The following STXBP4 variants were observed in gnomAD, a reference collection of about 807,000 sequenced individuals.
STXBP4 encodes the protein syntaxin-binding protein 4.
A neutral mutation model predicts 76.1 loss-of-function variants in STXBP4; 55 were observed. The observed-to-expected ratio is 0.72, with a 90% CI of 0.58 to 0.91. STXBP4 has a LOEUF of 0.91. Among genes scored for constraint, STXBP4 ranks in the 40% least tolerant of loss-of-function variants. STXBP4 has a pLI of 0.00. For synonymous variants in STXBP4, 201 were observed against 220.2 expected (o/e 0.91, Z 0.77); for missense variants, 618 against 636.9 (o/e 0.97, Z 0.32).
intron 17 of STXBP4, among the ~76,000 whole-genome samples, chr17:55,148,670 C>G (rs2080183158): frequency 6.6e-6 from 1 of 152,120 alleles, no homozygotes; most frequent in Non-Finnish European, 1.5e-5. Flanking sequence ...TCCCGAGTAG[C>G]TGGGATTACA....
At chr17:55,036,423 A>G (rs1221851464) in intron 10 of STXBP4, among the ~76,000 whole-genome samples, 1 of 151,466 alleles carries the variant, frequency 6.6e-6, no homozygotes, top group Non-Finnish European at 1.5e-5. Context: ...TTTTGTTGCC[A>G]TTAAAATTAA....
intron 8 of STXBP4, among the ~76,000 whole-genome samples, chr17:55,013,392 T>G (rs936628063): frequency 1.3e-5 from 2 of 152,242 alleles, no homozygotes; most frequent in Admixed American, 6.5e-5. Context: ...TTTCTGAGTT[T>G]CCTTAATTAC....
chr17:55,140,837 T>C (rs2080086781), intron 16 of STXBP4, among the ~76,000 whole-genome samples: 1 of 152,148 alleles, frequency 6.6e-6, no homozygotes, highest in South Asian at 2.1e-4. Context: ...ATAAGGAATT[T>C]TGTCTTGTCC....
In STXBP4 at chr17:55,069,766, T is replaced by C. The variant is rs551678220; in HGVS notation, c.1012-3134T>C. 6.6e-5 allele frequency among the ~76,000 whole-genome samples: 10 copies of C among 152,316 alleles called. No individual in the cohort carries two copies. In the South Asian group the frequency reaches 2.1e-3, roughly 32 times the overall value. On this transcript the variant is annotated intron_variant, in intron 12 of 17. Coordinates refer to ENST00000376352, the MANE Select transcript of STXBP4 (RefSeq NM_178509.6). ...TACCATCAGTGCACAATAATGGCTATATAAATTCCATCCAGAGTCTTCATT... is the reference window on the plus strand; with the variant it reads ...TACCATCAGTGCACAATAATGGCTACATAAATTCCATCCAGAGTCTTCATT...
chr17:55,085,520 G>A (rs983946908), intron 16 of STXBP4, among the ~76,000 whole-genome samples: 1 of 151,834 alleles, frequency 6.6e-6, no homozygotes, highest in Non-Finnish European at 1.5e-5. Context: ...CACCCTACCT[G>A]CTAGTTGTCT....
chr17:55,102,369 A>G (rs997880198), intron 16 of STXBP4, among the ~76,000 whole-genome samples: 5 of 152,176 alleles, frequency 3.3e-5, no homozygotes, highest in African/African-American at 9.7e-5. Flanking sequence ...AAGTGAGAAC[A>G]TGCAGTGTTT....
chr17:55,072,031 A>G (rs1176818321), intron 12 of STXBP4, among the ~76,000 whole-genome samples: 1 of 152,142 alleles, frequency 6.6e-6, no homozygotes, highest in African/African-American at 2.4e-5. Context: ...TGATAGAGCA[A>G]GTGGTTTTGG....
At chr17:55,191,971 A>G in the STXBP4 span, among the ~76,000 whole-genome samples, 1 of 152,202 alleles carries the variant, frequency 6.6e-6, no homozygotes. Context: ...CACCCAACTC[A>G]GGAAAGTGCT....
chr17:55,031,091 G>T, intron 8 of STXBP4, 77 bp from the exon 9 acceptor site: 1 of 1,102,618 alleles, frequency 9.1e-7, no homozygotes, highest in East Asian at 2.5e-5. Flanking sequence ...TTTTCCCTGG[G>T]TTGTAAAGTT....
chr17:55,005,972 T>A (rs1446437285), intron 7 of STXBP4, among the ~76,000 whole-genome samples: 1 of 152,074 alleles, frequency 6.6e-6, no homozygotes, highest in Non-Finnish European at 1.5e-5. Context: ...TGTGTATATA[T>A]ATGCATACCC....
intron 15 of STXBP4, among the ~76,000 whole-genome samples, chr17:55,080,240 T>C (rs937610637): frequency 7.9e-5 from 12 of 152,210 alleles, no homozygotes; most frequent in Admixed American, 2.6e-4. Flanking sequence ...CATGGTGTCT[T>C]AGTAAATTAA....
intron 8 of STXBP4, among the ~76,000 whole-genome samples, chr17:55,016,070 C>T (rs553901178): frequency 6.6e-6 from 1 of 152,030 alleles, no homozygotes; most frequent in Admixed American, 6.6e-5. Flanking sequence ...GGCATTTTTG[C>T]CTTGGAGAGA....
At chr17:55,193,308 G>A in the STXBP4 span, among the ~76,000 whole-genome samples, 11 of 152,254 alleles carry the variant, frequency 7.2e-5, no homozygotes, top group South Asian at 2.3e-3. Context: ...AGGACCACAT[G>A]CAAGGGAATC....
chr17:55,066,696 T>G (rs971986604), intron 12 of STXBP4, among the ~76,000 whole-genome samples: 35 of 152,132 alleles, frequency 2.3e-4, no homozygotes, highest in African/African-American at 8.2e-4. Flanking sequence ...TAAAAAAGAT[T>G]TTTTAAAATT....
chr17:54,984,842 CT>C (rs1226339298), intron 1 of STXBP4, among the ~76,000 whole-genome samples: 2 of 152,090 alleles, frequency 1.3e-5, no homozygotes, highest in Non-Finnish European at 2.9e-5. Context: ...TTAAGAAGCA[CT>C]GCCCTAAATT....
chr17:55,204,329 A>G, the STXBP4 span, among the ~76,000 whole-genome samples: 72 of 151,894 alleles, frequency 4.7e-4, no homozygotes, highest in Non-Finnish European at 4.1e-4. Flanking sequence ...TTGTCATCCA[A>G]TTTCTTGAAT....
intron 8 of STXBP4, among the ~76,000 whole-genome samples, chr17:55,023,937 AAAAG>A (rs2078365315): frequency 6.6e-6 from 1 of 151,036 alleles, no homozygotes; most frequent in South Asian, 2.1e-4. Flanking sequence ...AAAAAAAAAA[AAAAG>A]AAAACACTAG....
intron 17 of STXBP4, among the ~76,000 whole-genome samples, chr17:55,148,602 A>G (rs1046778958): frequency 6.6e-6 from 1 of 151,460 alleles, no homozygotes; most frequent in Non-Finnish European, 1.5e-5. Flanking sequence ...GCAGTGACAC[A>G]GTCTCGGCTC....
At chr17:55,066,827 G>A (rs1000485510) in intron 12 of STXBP4, among the ~76,000 whole-genome samples, 3 of 151,966 alleles carry the variant, frequency 2.0e-5, no homozygotes, top group Admixed American at 6.6e-5. Context: ...CGGAGGTTGC[G>A]GTGAATCAAG....
Sources: gnomAD v4.1 joint callset for allele counts (sites outside exome capture counted in the v4.1 genomes callset) on GRCh38, gnomAD v4.1.1 for gene constraint, MANE v1.5 for transcripts, NCBI Gene and HGNC (gene_info 2026-07-23, HGNC 2026-07-21) for gene names.